ESRRG: variants seen among roughly 807,000 people sequenced by gnomAD.
ESRRG encodes estrogen-related receptor gamma.
Under a neutral mutation model 44.0 loss-of-function variants are expected in ESRRG, and 13 were observed. That is an observed-to-expected ratio of 0.30 (90% CI 0.19 to 0.47). ESRRG has a LOEUF of 0.47. Ranked by LOEUF, ESRRG falls within the 20% of genes least tolerant of loss-of-function variation. The pLI is 1.00. For missense variants in ESRRG, 395 were observed against 580.6 expected (o/e 0.68, Z 3.29); for synonymous variants, 215 against 214.6 (o/e 1.00, Z -0.02).
chr1:216,775,694 G>A (rs2093586557), intron 2 of ESRRG, among the ~76,000 whole-genome samples: 1 of 149,976 alleles, frequency 6.7e-6, no homozygotes, highest in Non-Finnish European at 1.5e-5. Context: ...TGGGACTATA[G>A]GTGTGCACCA....
intron 2 of ESRRG, among the ~76,000 whole-genome samples, chr1:216,665,085 A>G (rs1457140194): frequency 6.6e-6 from 1 of 152,218 alleles, no homozygotes; most frequent in Admixed American, 6.5e-5. Context: ...CAATTACCCA[A>G]GGTACAGTAC....
chr1:216,888,579 C>T (rs2057360348), intron 2 of ESRRG, among the ~76,000 whole-genome samples: 1 of 152,120 alleles, frequency 6.6e-6, no homozygotes, highest in South Asian at 2.1e-4. Context: ...CTCCATTTTA[C>T]CTACAGGGTC....
intron 2 of ESRRG, among the ~76,000 whole-genome samples, chr1:216,857,667 G>C (rs907847393): frequency 1.6e-4 from 24 of 150,610 alleles, no homozygotes; most frequent in Admixed American, 1.6e-3. Context: ...AGAGTCACAG[G>C]GCATTCTGAA....
intron 5 of ESRRG, among the ~76,000 whole-genome samples, chr1:216,537,665 A>G (rs1345708421): frequency 6.6e-6 from 1 of 152,020 alleles, no homozygotes; most frequent in African/African-American, 2.4e-5. Context: ...CAAAAAGGAG[A>G]CAGGATCTGA....
intron 5 of ESRRG, among the ~76,000 whole-genome samples, chr1:216,536,842 G>C (rs2149208233): frequency 6.6e-6 from 1 of 152,028 alleles, no homozygotes; most frequent in South Asian, 2.1e-4. Flanking sequence ...CAAGGGGTGG[G>C]GTGGAATAAA....
intron 1 of ESRRG, among the ~76,000 whole-genome samples, chr1:216,973,670 T>C (rs1448731078): frequency 6.6e-6 from 1 of 151,770 alleles, no homozygotes; most frequent in African/African-American, 2.4e-5. Flanking sequence ...CCACTAAAAA[T>C]ACAAAATTAG....
chr1:216,587,641 A>T (rs2056901406), intron 3 of ESRRG, among the ~76,000 whole-genome samples: 1 of 152,198 alleles, frequency 6.6e-6, no homozygotes, highest in Non-Finnish European at 1.5e-5. Context: ...CCTCTTAGAA[A>T]AGCATTTATG....
chr1:217,030,362 C>T (rs568869070), intron 1 of ESRRG, among the ~76,000 whole-genome samples: 2 of 152,294 alleles, frequency 1.3e-5, no homozygotes, highest in South Asian at 4.1e-4. Context: ...TTACCCGAAA[C>T]TCAACCATTT....
chr1:216,590,785 A>G (rs1191662039), intron 3 of ESRRG, among the ~76,000 whole-genome samples: 2 of 152,180 alleles, frequency 1.3e-5, no homozygotes, highest in African/African-American at 4.8e-5. Flanking sequence ...TATAAGCCAC[A>G]AGACAGTATC....
At chr1:216,754,450 T>C (rs1449249514) in intron 2 of ESRRG, among the ~76,000 whole-genome samples, 1 of 152,052 alleles carries the variant, frequency 6.6e-6, no homozygotes, top group Non-Finnish European at 1.5e-5. Context: ...GACAGTCAAC[T>C]TTTATCATTC....
At chr1:216,611,591 A>G (rs923704801) in intron 3 of ESRRG, among the ~76,000 whole-genome samples, 35 of 152,074 alleles carry the variant, frequency 2.3e-4, no homozygotes, top group Non-Finnish European at 4.6e-4. Context: ...CGGAACATGA[A>G]CTCAGGTCAC....
At chr1:216,996,524 G>A (rs2076397326) in intron 1 of ESRRG, among the ~76,000 whole-genome samples, 1 of 152,018 alleles carries the variant, frequency 6.6e-6, no homozygotes, top group South Asian at 2.1e-4. Flanking sequence ...GCCTTATTTT[G>A]AAAGTTAAAT....
intron 1 of ESRRG, chr1:217,137,538 G>GAA (rs2093065988): frequency 1.3e-5 from 2 of 152,468 alleles, no homozygotes; most frequent in African/African-American, 4.8e-5. Context: ...AAGGGCCTGG[G>GAA]AGGCTGCGGT....
intron 2 of ESRRG, among the ~76,000 whole-genome samples, chr1:216,820,007 A>G (rs1392875522): frequency 6.6e-6 from 1 of 152,224 alleles, no homozygotes; most frequent in African/African-American, 2.4e-5. Context: ...AGAGGAGAGA[A>G]GAAGCGTTCA....
intron 1 of ESRRG, among the ~76,000 whole-genome samples, chr1:217,117,232 A>C (rs559792916): frequency 3.3e-5 from 5 of 152,298 alleles, no homozygotes; most frequent in South Asian, 2.1e-4. Context: ...AGATAACAAT[A>C]CTTTATGGAG....
intron 2 of ESRRG, among the ~76,000 whole-genome samples, chr1:216,834,880 C>T (rs1027926263): frequency 6.6e-6 from 1 of 152,160 alleles, no homozygotes. Context: ...GCAGAAAGCA[C>T]TGAGACAGTC....
At chr1:216,510,981 CA>C (rs2042569696) in intron 6 of ESRRG, among the ~76,000 whole-genome samples, 2 of 152,144 alleles carry the variant, frequency 1.3e-5, no homozygotes. Flanking sequence ...CCATTCTTGG[CA>C]ATACTTTCTC....
At chr1:217,083,975 T>C (rs2091923769) in intron 1 of ESRRG, among the ~76,000 whole-genome samples, 1 of 152,180 alleles carries the variant, frequency 6.6e-6, no homozygotes, top group Admixed American at 6.5e-5. Context: ...AGAACACTGG[T>C]GAGCAGAAGA....
At chr1:216,777,174 C>T (rs549684523) in intron 2 of ESRRG, among the ~76,000 whole-genome samples, 27 of 152,128 alleles carry the variant, frequency 1.8e-4, no homozygotes, top group African/African-American at 5.5e-4. Context: ...TAAAAGATGA[C>T]GCTAACATAA....
Sources: allele counts gnomAD v4.1 joint callset (sites outside exome capture counted in the v4.1 genomes callset), GRCh38; gene constraint gnomAD v4.1.1; transcripts MANE v1.5; gene names NCBI Gene and HGNC (gene_info 2026-07-23, HGNC 2026-07-21).